The following EPB41L4A variants were observed in gnomAD, a reference collection of about 807,000 sequenced individuals.
EPB41L4A encodes the protein erythrocyte membrane protein band 4.1 like 4A.
Under a neutral mutation model 108.6 loss-of-function variants are expected in EPB41L4A, and 100 were observed. That is an observed-to-expected ratio of 0.92 (90% CI 0.78 to 1.09). EPB41L4A has a LOEUF of 1.09. Among genes scored for constraint, EPB41L4A ranks in the 50% least tolerant of loss-of-function variants. The pLI is 0.00. For missense variants in EPB41L4A, 1,030 were observed against 842.7 expected (o/e 1.22, Z -2.75); for synonymous variants, 319 against 289.0 (o/e 1.10, Z -1.05).
At chr5:112,353,215 A>G (rs1758154071) in intron 1 of EPB41L4A, among the ~76,000 whole-genome samples, 1 of 151,604 alleles carries the variant, frequency 6.6e-6, no homozygotes, top group Non-Finnish European at 1.5e-5. Context: ...GGCAGCAGTG[A>G]ACCAAGCATG....
At position 112,154,056 on chromosome 5, in the gene EPB41L4A, T is replaced by G. The variant is rs1245276461; in HGVS notation, n.994+4345A>C. ...AATTGGTAAAACATTGAAAAACATTTAAATATATTGGGAAGTACTGTAATA... is the reference window on the plus strand; with the variant it reads ...AATTGGTAAAACATTGAAAAACATTGAAATATATTGGGAAGTACTGTAATA... On this transcript the variant is annotated intron_variant and non_coding_transcript_variant, in intron 12 of 13. Transcript: ENST00000507810. Among the ~76,000 whole-genome samples the G allele has an allele frequency of 5.3e-5, 8 of 152,290 alleles. No individual in the cohort carries two copies. In the South Asian group the frequency reaches 8.3e-4, roughly 16 times the overall value.
chr5:112,160,199 C>T (rs1042804864), downstream of EPB41L4A, among the ~76,000 whole-genome samples: 2 of 152,214 alleles, frequency 1.3e-5, no homozygotes, highest in South Asian at 2.1e-4. Flanking sequence ...CATGAGCCAC[C>T]GCGCCCGGCG....
intron 1 of EPB41L4A, among the ~76,000 whole-genome samples, chr5:112,358,953 G>T (rs992008299): frequency 1.4e-4 from 22 of 152,142 alleles, no homozygotes; most frequent in Non-Finnish European, 2.2e-4. Flanking sequence ...TATATATATT[G>T]TATTATTCCT....
In EPB41L4A at chr5:112,165,125, T is replaced by TAAA. The variant is rs373187409; in HGVS notation, c.1933-8_1933-7insTTT. The TAAA allele has an allele frequency of 0.68, 1,079,801 of 1,578,442 alleles. 378,030 individuals carry two copies. The highest frequency in any genetic ancestry group is 1 in the East Asian group (44,554 of 44,632). Reference sequence around the variant, plus strand: ...CTTTAGACCCATTTCTTCTCTAAAATATATTTGAAAAATGTAGAAAGATTC... The same window carrying TAAA: ...CTTTAGACCCATTTCTTCTCTAAAATAAAATATTTGAAAAATGTAGAAAGATTC... On this transcript the variant is annotated splice_region_variant and splice_polypyrimidine_tract_variant and intron_variant, in intron 22 of 22. Transcript: ENST00000261486.
chr5:112,217,151 C>T (rs1747708652), intron 12 of EPB41L4A, among the ~76,000 whole-genome samples: 1 of 151,894 alleles, frequency 6.6e-6, no homozygotes, highest in African/African-American at 2.4e-5. Flanking sequence ...ACCATGTTGC[C>T]CAGGCTGGTC....
chr5:112,282,124 G>A (rs991463281), intron 2 of EPB41L4A, among the ~76,000 whole-genome samples: 4 of 152,174 alleles, frequency 2.6e-5, no homozygotes, highest in African/African-American at 4.8e-5. Context: ...TCAGTGAAAT[G>A]CTCTTGGAGC....
At chr5:112,251,301 C>A (rs1373675767) in intron 9 of EPB41L4A, among the ~76,000 whole-genome samples, 1 of 152,108 alleles carries the variant, frequency 6.6e-6, no homozygotes, top group Admixed American at 6.6e-5. Flanking sequence ...CCATGGATAT[C>A]CCTCCAAAAA....
At chr5:112,278,167 A>T (rs1004008025) in intron 3 of EPB41L4A, among the ~76,000 whole-genome samples, 1 of 152,192 alleles carries the variant, frequency 6.6e-6, no homozygotes, top group Non-Finnish European at 1.5e-5. Flanking sequence ...ACTATCAAAT[A>T]ATTTCATGAG....
chr5:112,174,304 T>C (rs540605290), intron 18 of EPB41L4A, among the ~76,000 whole-genome samples: 1 of 152,348 alleles, frequency 6.6e-6, no homozygotes, highest in East Asian at 1.9e-4. Flanking sequence ...TCTTGTGGAT[T>C]TAGAAAGCTG....
Position 112,330,966 on chromosome 5 carries a change from G to C in EPB41L4A, c.100-23476C>G, listed in dbSNP as rs559001884. 2.6e-5 allele frequency among the ~76,000 whole-genome samples: 4 copies of C among 152,158 alleles called. No individual in the cohort carries two copies. The East Asian group carries it at 5.8e-4, about 22-fold the overall frequency. On this transcript the variant is annotated intron_variant, in intron 1 of 22. Coordinates refer to ENST00000261486, the MANE Select transcript of EPB41L4A (RefSeq NM_022140.5). Reference sequence around the variant, plus strand: ...TCCATTTCCTGACCTTACGTATCTTGTTGAGGTCAACAGGCCATCTTCCGT... The same window carrying C: ...TCCATTTCCTGACCTTACGTATCTTCTTGAGGTCAACAGGCCATCTTCCGT...
chr5:112,183,729 G>C (rs1034049453), intron 18 of EPB41L4A, among the ~76,000 whole-genome samples: 2 of 152,206 alleles, frequency 1.3e-5, no homozygotes, highest in Non-Finnish European at 2.9e-5. Context: ...CTACAACAAA[G>C]AAGACTATTC....
chr5:112,157,715 A>G (rs1759699646), downstream of EPB41L4A, among the ~76,000 whole-genome samples: 1 of 152,128 alleles, frequency 6.6e-6, no homozygotes, highest in Non-Finnish European at 1.5e-5. Flanking sequence ...CCCCTATCTC[A>G]AGGTTCCTAA....
intron 12 of EPB41L4A, among the ~76,000 whole-genome samples, chr5:112,214,621 C>T (rs1048340299): frequency 6.6e-6 from 1 of 152,092 alleles, no homozygotes; most frequent in African/African-American, 2.4e-5. Flanking sequence ...AAAAATTTAG[C>T]CAGGTGTGGT....
In EPB41L4A at chr5:112,254,235, C is replaced by T. The variant is rs151143320; in HGVS notation, c.795+4994G>A. On this transcript the variant is annotated intron_variant, in intron 9 of 22. Coordinates refer to ENST00000261486, the MANE Select transcript of EPB41L4A (RefSeq NM_022140.5). ...TTACATCCTCCTCTTGTTGCCAAAA[C>T]CAAGAAATTCCAGTATTATCCTAAA... Among the ~76,000 whole-genome samples the T allele has an allele frequency of 4.8e-4, 73 of 152,302 alleles. 1 individual carries two copies. In the South Asian group the frequency reaches 8.5e-3, roughly 18 times the overall value.
At chr5:112,209,773 C>T in intron 13 of EPB41L4A, 119 bp downstream of exon 13, 14 of 554,588 alleles carry the variant, frequency 2.5e-5, no homozygotes, top group Middle Eastern at 5.0e-4. Flanking sequence ...TTATTGGATC[C>T]CATGGATCAA....
intron 1 of EPB41L4A, among the ~76,000 whole-genome samples, chr5:112,389,464 G>A (rs906475427): frequency 2.6e-5 from 4 of 152,070 alleles, no homozygotes; most frequent in African/African-American, 7.2e-5. Context: ...GACAGAAAAC[G>A]GCCAATTTCT....
rs187068813 is a variant in EPB41L4A at position 112,391,605 on chromosome 5, T to C, written c.99+27336A>G. On this transcript the variant is annotated intron_variant, in intron 1 of 22. Transcript: ENST00000261486. ...GTGAAAAGACCAAATCTACGTCTGA[T>C]TGGTATACCTGAAAGCGATGGGGAG... 1.1e-4 allele frequency among the ~76,000 whole-genome samples: 17 copies of C among 152,270 alleles called. No homozygotes were observed. In the East Asian group the frequency reaches 2.1e-3, roughly 19 times the overall value.
intron 1 of EPB41L4A, among the ~76,000 whole-genome samples, chr5:112,367,880 G>A (rs448714): frequency 0.31 from 47,757 of 152,008 alleles, 9,754 homozygotes; most frequent in African/African-American, 0.58. Flanking sequence ...CCTGCTCCAC[G>A]AAATAAAGAC....
At chr5:112,252,401 C>G (rs956389680) in intron 9 of EPB41L4A, among the ~76,000 whole-genome samples, 2 of 152,022 alleles carry the variant, frequency 1.3e-5, no homozygotes, top group Admixed American at 6.6e-5. Flanking sequence ...CAGAGCTCCT[C>G]GGAAGAATGG....
Sources: gnomAD v4.1 joint callset for allele counts (sites outside exome capture counted in the v4.1 genomes callset) on GRCh38, gnomAD v4.1.1 for gene constraint, MANE v1.5 for transcripts, NCBI Gene and HGNC (gene_info 2026-07-23, HGNC 2026-07-21) for gene names.